SECISBP2: variants seen among roughly 807,000 people sequenced by gnomAD.
The protein encoded by SECISBP2 is SECIS binding protein 2.
Under a neutral mutation model 98.2 loss-of-function variants are expected in SECISBP2, and 96 were observed. The ratio of observed to expected loss-of-function variants is 0.98; its 90% CI spans 0.83 to 1.16. The LOEUF (loss-of-function observed/expected upper bound fraction) is 1.16. Among genes scored for constraint, SECISBP2 ranks in the 50% most tolerant of loss-of-function variants. The pLI is 0.00. For missense variants in SECISBP2, 1,046 were observed against 1,022.9 expected (o/e 1.02, Z -0.31); for synonymous variants, 407 against 370.2 (o/e 1.10, Z -1.14).
At chr9:89,363,568 C>T (rs1327008451), downstream of SECISBP2, 4 of 1,611,528 alleles carry the variant, frequency 2.5e-6, no homozygotes, top group Non-Finnish European at 3.4e-6. Flanking sequence ...GCTCTGTGGG[C>T]CTTTATGGCA....
intron 13 of SECISBP2, among the ~76,000 whole-genome samples, 183 bp from the exon 14 acceptor site, chr9:89,350,449 C>T (rs546896207): frequency 1.3e-5 from 2 of 152,292 alleles, no homozygotes; most frequent in South Asian, 2.1e-4. Flanking sequence ...GGGAAGATGC[C>T]CCAGTATTTA....
chr9:89,318,807 A>G (rs915995850), intron 1 of SECISBP2, 195 bp downstream of exon 1: 4 of 1,271,458 alleles, frequency 3.1e-6, no homozygotes, highest in Non-Finnish European at 4.0e-6. Flanking sequence ...GTCAGCGGCT[A>G]CAGACCCCGC....
chr9:89,350,881 G>A (rs1831181200), intron 14 of SECISBP2, 29 bp downstream of exon 14: 1 of 1,590,526 alleles, frequency 6.3e-7, no homozygotes, highest in South Asian at 1.1e-5. Context: ...CCTGTGATAT[G>A]TGGGCCCCTG....
intron 2 of SECISBP2, chr9:89,324,906 T>C (rs1210554427): frequency 6.2e-6 from 1 of 160,322 alleles, no homozygotes; most frequent in African/African-American, 2.4e-5. Flanking sequence ...GGTGTCCATC[T>C]GTTAGTAAAG....
chr9:89,320,355 CAAAAAAAA>C (rs776426275), intron 2 of SECISBP2, among the ~76,000 whole-genome samples: 7 of 51,956 alleles, frequency 1.3e-4, no homozygotes, highest in Non-Finnish European at 2.8e-4. Flanking sequence ...GACTCTGTCT[CAAAAAAAA>C]AAAAAAAAAA....
chr9:89,364,155 T>C, downstream of SECISBP2: 1 of 1,044,050 alleles, frequency 9.6e-7, no homozygotes, highest in Non-Finnish European at 1.4e-6. Flanking sequence ...CCTGTGGACT[T>C]CCTGCTCTTT....
chr9:89,319,615 T>C, intron 1 of SECISBP2, 37 bp from the exon 2 acceptor site: 2 of 1,612,626 alleles, frequency 1.2e-6, no homozygotes, highest in Non-Finnish European at 1.7e-6. Context: ...GCTTGATCTC[T>C]GAATGTTTGT....
At chr9:89,359,769 G>A (rs954891138), downstream of SECISBP2, 3 of 152,160 alleles carry the variant, frequency 2.0e-5, no homozygotes, top group African/African-American at 7.2e-5. Flanking sequence ...GCGTAGTGGG[G>A]GTTCTGCTAT....
chr9:89,357,303 T>G (rs905092316), intron 14 of SECISBP2, 108 bp from the exon 15 acceptor site: 7 of 1,233,218 alleles, frequency 5.7e-6, no homozygotes, highest in African/African-American at 3.0e-5. Context: ...GCCTTGGATA[T>G]AAAATCATAG....
At chr9:89,328,597 T>G in intron 4 of SECISBP2, 63 bp from the exon 5 acceptor site, 1 of 1,361,308 alleles carries the variant, frequency 7.3e-7, no homozygotes, top group East Asian at 2.3e-5. Flanking sequence ...CAATTTTTGC[T>G]TGCATACTGG....
intron 11 of SECISBP2, 58 bp from the exon 12 acceptor site, chr9:89,348,021 G>T: frequency 2.0e-6 from 3 of 1,512,572 alleles, no homozygotes; most frequent in Non-Finnish European, 2.7e-6. Flanking sequence ...ATTTGCAGAA[G>T]AGCTTATCTT....
chr9:89,344,689 T>G (rs1447567918), intron 10 of SECISBP2, among the ~76,000 whole-genome samples: 1 of 152,254 alleles, frequency 6.6e-6, no homozygotes, highest in Admixed American at 6.5e-5. Flanking sequence ...TTTTTAACTT[T>G]AGTTTGAAAA....
At chr9:89,324,621 C>T (rs1301815004) in intron 2 of SECISBP2, 1 of 151,910 alleles carries the variant, frequency 6.6e-6, no homozygotes, top group Non-Finnish European at 1.5e-5. Flanking sequence ...AAGGGTGTGT[C>T]ATGACTAGGT....
At chr9:89,352,837 T>A (rs1215832421) in intron 14 of SECISBP2, among the ~76,000 whole-genome samples, 1 of 151,972 alleles carries the variant, frequency 6.6e-6, no homozygotes, top group Non-Finnish European at 1.5e-5. Flanking sequence ...CTCTGAAGAT[T>A]CCTTTTTTTT....
At chr9:89,340,010 A>T in intron 9 of SECISBP2, 57 bp downstream of exon 9, 1 of 1,282,174 alleles carries the variant, frequency 7.8e-7, no homozygotes, top group Admixed American at 1.7e-5. Context: ...TGGCTCAACT[A>T]AATGCTTGAG....
chr9:89,354,650 A>T, intron 14 of SECISBP2: 2 of 262,800 alleles, frequency 7.6e-6, no homozygotes, highest in Non-Finnish European at 1.2e-5. Context: ...CTTACCAGTT[A>T]AGGTGGTGGG....
Position 89,348,207 on chromosome 9 carries a change from G to T in SECISBP2, c.1731G>T (p.Glu577Asp). 1.9e-6 allele frequency: 3 copies of T among 1,614,212 alleles called. No homozygotes were observed. Among genetic ancestry groups the T allele is most frequent in the Non-Finnish European group, 2.5e-6 (3 of 1,180,030 alleles). Reference protein sequence around the residue: ...GGDDQFPEQAELSGPEGMDEL... With the variant: ...GGDDQFPEQADLSGPEGMDEL... Reference sequence around the variant, plus strand: ...ATGACCAGTTTCCCGAGCAGGCAGAGCTGTCAGGTACCAACTTCTCTTTGT... The same window carrying T: ...ATGACCAGTTTCCCGAGCAGGCAGATCTGTCAGGTACCAACTTCTCTTTGT... Residue 577 changes from glutamate to aspartate, a missense_variant, in exon 12 of 17, where the codon GAG becomes GAT. By Grantham distance (45) the Glu-to-Asp change is conservative. Coordinates refer to ENST00000375807, the MANE Select transcript of SECISBP2 (RefSeq NM_024077.5).
Position 89,350,079 on chromosome 9 carries a change from G to A in SECISBP2, c.1892+150G>A, listed in dbSNP as rs969319981. ...AAAGAAGCTGGGTACCTGGTTACACGCATTCAGGGAGAGCCTAATCGTTGT... is the reference window on the plus strand; with the variant it reads ...AAAGAAGCTGGGTACCTGGTTACACACATTCAGGGAGAGCCTAATCGTTGT... On this transcript the variant is annotated intron_variant, in intron 13 of 16. Transcript: ENST00000375807. 15 of 898,246 alleles carry A rather than the reference G, an allele frequency of 1.7e-5. No homozygotes were observed. In the African/African-American group the frequency reaches 2.0e-4, roughly 12 times the overall value. 55.6% of individuals were successfully genotyped at this position (898,246 alleles called of 1,614,324 possible).
At chr9:89,343,205 G>C (rs1158272061) in intron 10 of SECISBP2, among the ~76,000 whole-genome samples, 1 of 152,178 alleles carries the variant, frequency 6.6e-6, no homozygotes, top group African/African-American at 2.4e-5. Context: ...TCTCTTAAGA[G>C]CCAAGACAGT....
Sources: allele counts gnomAD v4.1 joint callset (sites outside exome capture counted in the v4.1 genomes callset), GRCh38; gene constraint gnomAD v4.1.1; transcripts MANE v1.5; gene names NCBI Gene and HGNC (gene_info 2026-07-23, HGNC 2026-07-21).